Variants in CDH26 observed in about 807,000 individuals in gnomAD.
CDH26 encodes the protein cadherin 26.
In CDH26, 83 loss-of-function variants were observed where a neutral mutation model predicts 90.3. That is an observed-to-expected ratio of 0.92 (90% confidence interval 0.77 to 1.10). CDH26 has a LOEUF of 1.10. Among genes scored for constraint, CDH26 ranks in the 50% least tolerant of loss-of-function variants. CDH26 has a pLI of 0.00. For missense variants in CDH26, 1,013 were observed against 1,037.6 expected (o/e 0.98, Z 0.33); for synonymous variants, 397 against 396.3 (o/e 1.00, Z -0.02).
chr20:59,982,215 TTTGGTTACATGCGATTACG>T (rs1444285206), intron 4 of CDH26, among the ~76,000 whole-genome samples: 3 of 152,330 alleles, frequency 2.0e-5, no homozygotes, highest in African/African-American at 7.2e-5. Flanking sequence ...AAGAATCGCT[TTTGGTTACATGCGATTACG>T]TTGGTTACTT....
At position 59,970,105 on chromosome 20, in the gene CDH26, G is replaced by T. The variant is rs1485478261; in HGVS notation, c.150G>T (p.Arg50=). The T allele has an allele frequency of 6.2e-7, 1 of 1,613,932 alleles. No homozygotes were observed. Among genetic ancestry groups the T allele is most frequent in the South Asian group, 1.1e-5 (1 of 91,064 alleles). The change falls in exon 3 of 18, where the codon CGG becomes CGT. Residue 50 remains arginine, a synonymous_variant. Coordinates refer to ENST00000348616, the MANE Select transcript of CDH26 (RefSeq NM_177980.4). The part of the protein sequence containing the change: ...QTKEKIYQPL[R]RSKRRWVITT... The stretch of plus-strand genomic sequence containing the variant: ...AGGAAAAGATCTACCAGCCTCTACG[G>T]CGATCCAAGAGAAGATGGGTTATCA...
intron 14 of CDH26, 62 bp downstream of exon 14, chr20:59,999,725 A>G: frequency 2.0e-6 from 3 of 1,504,048 alleles, no homozygotes; most frequent in Non-Finnish European, 1.8e-6. Context: ...GGTTTCCCTG[A>G]CAAGGAACAC....
intron 3 of CDH26, 31 bp downstream of exon 3, chr20:59,970,217 A>T (rs1254086804): frequency 6.2e-7 from 1 of 1,607,164 alleles, no homozygotes; most frequent in East Asian, 2.2e-5. Flanking sequence ...GAATGACCCC[A>T]TCATGCCCTC....
Position 59,972,114 on chromosome 20 carries a change from A to AT in CDH26, c.385dup (p.Ser129PhefsTer7), listed in dbSNP as rs1346809508. ...GCCCTGTCGATCGAGAAATGACACCATCTTTCACGGTATCTAAAACTTGAT... is the reference window on the plus strand; with the variant it reads ...GCCCTGTCGATCGAGAAATGACACCATTCTTTCACGGTATCTAAAACTTGAT... On this transcript the variant is annotated frameshift_variant, in exon 4 of 18. Transcript: ENST00000348616. LOFTEE classifies it high-confidence loss of function. The AT allele has an allele frequency of 1.9e-6, 3 of 1,613,652 alleles. No homozygotes were observed. Among genetic ancestry groups the AT allele is most frequent in the Middle Eastern group, 1.6e-4 (1 of 6,084 alleles).
intron 7 of CDH26, among the ~76,000 whole-genome samples, chr20:60,022,651 G>A (rs1158568422): frequency 3.3e-5 from 5 of 152,210 alleles, no homozygotes; most frequent in African/African-American, 4.8e-5. Context: ...AATAGAGGGC[G>A]TTTCTAAGAT....
chr20:59,989,144 G>T lies in CDH26; in HGVS notation c.1264G>T (p.Asp422Tyr). 6.2e-7 allele frequency: 1 copy of T among 1,614,194 alleles called. No homozygotes were observed. The highest frequency in any genetic ancestry group is 8.5e-7 in the Non-Finnish European group (1 of 1,180,038). The change falls in exon 9 of 18, where the codon GAT becomes TAT. Residue 422 changes from aspartate to tyrosine, a missense_variant. Transcript: ENST00000348616. The stretch of plus-strand genomic sequence containing the variant: ...CCTGTTGGGAACTTTTAATGCCATG[G>T]ATCCAGACAGCCAGATAAGGTGAGA... ...GTLLGTFNAM[D>Y]PDSQIRYELV...
exon 8 of CDH26, chr20:60,031,336 C>T: frequency 7.7e-7 from 1 of 1,294,464 alleles, no homozygotes; most frequent in Non-Finnish European, 1.0e-6. Context: ...GGAGATGATG[C>T]CACGGAGACT....
chr20:59,995,729 C>G (rs983857029), intron 11 of CDH26, 104 bp from the exon 12 acceptor site: 82 of 1,046,282 alleles, frequency 7.8e-5, no homozygotes, highest in Non-Finnish European at 1.1e-4. Context: ...AGTTGGCTTA[C>G]TTTCATACAG....
intron 7 of CDH26, among the ~76,000 whole-genome samples, chr20:60,028,055 G>A (rs2062012340): frequency 6.6e-6 from 1 of 152,142 alleles, no homozygotes; most frequent in Non-Finnish European, 1.5e-5. Flanking sequence ...GGTTTCACCT[G>A]TGCTCTTCTG....
chr20:60,033,102 G>A (rs1015865484), intron 8 of CDH26, among the ~76,000 whole-genome samples: 1 of 152,210 alleles, frequency 6.6e-6, no homozygotes, highest in Admixed American at 6.5e-5. Flanking sequence ...ATTGGCTTTG[G>A]TTTGGGAGGA....
intron 16 of CDH26, among the ~76,000 whole-genome samples, chr20:60,006,146 C>T (rs1285108068): frequency 6.6e-6 from 1 of 152,210 alleles, no homozygotes; most frequent in Non-Finnish European, 1.5e-5. Context: ...GCCCCAGGTG[C>T]TTTGCTTGCC....
intron 7 of CDH26, chr20:60,031,123 A>T: frequency 9.9e-7 from 1 of 1,012,394 alleles, no homozygotes; most frequent in Non-Finnish European, 1.2e-6. Context: ...TTGCCATGGC[A>T]TTTGTAAACT....
At chr20:59,973,435 G>T (rs1569029322) in intron 4 of CDH26, among the ~76,000 whole-genome samples, 1 of 151,662 alleles carries the variant, frequency 6.6e-6, no homozygotes, top group African/African-American at 2.4e-5. Context: ...TCATGTACAG[G>T]TTTGTTATAT....
chr20:59,985,713 G>T (rs768490011), intron 7 of CDH26, among the ~76,000 whole-genome samples: 3 of 152,188 alleles, frequency 2.0e-5, no homozygotes, highest in East Asian at 1.9e-4. Flanking sequence ...ACTTAAGCTA[G>T]AATCAAGAAG....
At position 60,001,273 on chromosome 20, in the gene CDH26, G is replaced by T. The variant is rs188628001; in HGVS notation, c.2098-70G>T. The T allele has an allele frequency of 5.7e-6, 9 of 1,588,000 alleles. No individual in the cohort carries two copies. In the South Asian group the frequency reaches 1.0e-4, roughly 18 times the overall value. ...GCAAGGGGAAGTGGTGAGAGGTCAC[G>T]CATGCCCACTTTGTTTCCAGCTGGA... On this transcript the variant is annotated intron_variant, in intron 14 of 17. Transcript: ENST00000348616.
Position 59,992,802 on chromosome 20 carries a change from C to G in CDH26, c.1426+282C>G, listed in dbSNP as rs2061544476. On this transcript the variant is annotated intron_variant, in intron 10 of 17. Coordinates refer to ENST00000348616, the MANE Select transcript of CDH26 (RefSeq NM_177980.4). The surrounding 1 kb of genome is among the most constrained non-coding windows in gnomAD (Gnocchi z 5.0). ...TCTTTTTCATCTGTTCATGAGCTAACTCTTTAGCTCTTTGTCAAAGCCAAT... is the reference window on the plus strand; with the variant it reads ...TCTTTTTCATCTGTTCATGAGCTAAGTCTTTAGCTCTTTGTCAAAGCCAAT... 2.0e-5 allele frequency among the ~76,000 whole-genome samples: 3 copies of G among 152,272 alleles called. No individual in the cohort carries two copies. In the South Asian group the frequency reaches 6.2e-4, roughly 32 times the overall value.
chr20:59,971,409 A>G lies in CDH26; in HGVS notation c.232-553A>G, dbSNP rs2061259958. On this transcript the variant is annotated intron_variant, in intron 3 of 17. Transcript: ENST00000348616. ...AGATGTTTTAAAGATTAAATAGGTT[A>G]AGGCAAGCAAGGCATATTGTAGGCC... Among the ~76,000 whole-genome samples the G allele has an allele frequency of 2.0e-5, 3 of 152,228 alleles. No individual in the cohort carries two copies. The South Asian group carries it at 6.2e-4, about 32-fold the overall frequency.
At chr20:60,031,364 G>A (rs923075537) in exon 8 of CDH26, 67 of 1,277,298 alleles carry the variant, frequency 5.2e-5, no homozygotes, top group Non-Finnish European at 6.5e-5. Context: ...ACTGGTAAAC[G>A]GAAACACGGG....
chr20:59,959,642 T>C (rs2145963605), intron 1 of CDH26, among the ~76,000 whole-genome samples: 1 of 152,234 alleles, frequency 6.6e-6, no homozygotes, highest in South Asian at 2.1e-4. Flanking sequence ...TCAAGTGATC[T>C]GCCTGCCTCA....
Sources: allele counts gnomAD v4.1 joint callset (sites outside exome capture counted in the v4.1 genomes callset), GRCh38; gene constraint gnomAD v4.1.1; non-coding constraint Gnocchi (gnomAD v3.1); transcripts MANE v1.5; gene names NCBI Gene and HGNC (gene_info 2026-07-23, HGNC 2026-07-21).